CHODL: variants seen among roughly 807,000 people sequenced by gnomAD.
CHODL encodes the protein chondrolectin.
CHODL carries 29 observed loss-of-function variants against 34.5 expected under a neutral mutation model. The observed-to-expected ratio is 0.84, with a 90% confidence interval of 0.63 to 1.15. The LOEUF (loss-of-function observed/expected upper bound fraction) is 1.15, where lower values mean the gene tolerates loss of function less well. CHODL is among the 50% of genes most tolerant of loss of function. CHODL has a pLI of 0.00. For synonymous variants in CHODL, 125 were observed against 116.1 expected, an observed-to-expected ratio of 1.08 and a Z score of -0.49; for missense variants, 332 against 332.5, an observed-to-expected ratio of 1.00 and a Z score of 0.01.
chr21:18,051,793 G>A (rs1255100636), intron 2 of CHODL, among the ~76,000 whole-genome samples: 1 of 151,998 alleles, frequency 6.6e-6, no homozygotes, highest in Admixed American at 6.6e-5. Flanking sequence ...ATGATAAAAA[G>A]TTTGCTGTTG....
At chr21:18,201,879 A>G (rs899879513) in intron 2 of CHODL, among the ~76,000 whole-genome samples, 2 of 138,332 alleles carry the variant, frequency 1.4e-5, no homozygotes, top group African/African-American at 5.6e-5. Flanking sequence ...ATCTCGGCTC[A>G]CTGGAAGCTC....
chr21:18,097,251 G>A (rs1019155973), intron 2 of CHODL, among the ~76,000 whole-genome samples: 1 of 152,050 alleles, frequency 6.6e-6, no homozygotes, highest in Admixed American at 6.6e-5. Flanking sequence ...GGAATACAGG[G>A]CACTCAAATT....
intron 1 of CHODL, among the ~76,000 whole-genome samples, chr21:18,250,958 AAT>A (rs1238437661): frequency 3.3e-5 from 5 of 151,600 alleles, no homozygotes; most frequent in African/African-American, 2.4e-5. Context: ...ATATTCATCT[AAT>A]ATTAATAATA....
chr21:18,075,459 G>A (rs158030), intron 2 of CHODL, among the ~76,000 whole-genome samples: 1 of 151,894 alleles, frequency 6.6e-6, no homozygotes, highest in Non-Finnish European at 1.5e-5. Context: ...TATAAAGTCA[G>A]ACACTCTTGG....
At chr21:18,151,082 CAAAAAAAAAAAAA>C (rs61176066) in intron 2 of CHODL, among the ~76,000 whole-genome samples, 2 of 123,014 alleles carry the variant, frequency 1.6e-5, no homozygotes, top group South Asian at 2.6e-4. Flanking sequence ...GACTCTGTGT[CAAAAAAAAAAAAA>C]AAAAAAAAAA....
At chr21:18,231,174 G>A (rs952513472) in intron 2 of CHODL, among the ~76,000 whole-genome samples, 2 of 152,210 alleles carry the variant, frequency 1.3e-5, no homozygotes, top group Non-Finnish European at 2.9e-5. Flanking sequence ...GAAAGAACTA[G>A]TCAATGTTAT....
At chr21:17,963,882 C>A (rs1424339659) in intron 1 of CHODL, among the ~76,000 whole-genome samples, 1 of 151,958 alleles carries the variant, frequency 6.6e-6, no homozygotes, top group African/African-American at 2.4e-5. Flanking sequence ...CAGAAAAGCA[C>A]AAGAAAAACA....
At chr21:18,055,620 A>G (rs569931993) in intron 2 of CHODL, among the ~76,000 whole-genome samples, 1 of 152,054 alleles carries the variant, frequency 6.6e-6, no homozygotes, top group African/African-American at 2.4e-5. Flanking sequence ...CATATCCGGC[A>G]GGGCTAAAGT....
intron 5 of CHODL, among the ~76,000 whole-genome samples, chr21:18,265,219 GTA>G (rs369683491): frequency 0.014 from 2,009 of 145,596 alleles, 50 homozygotes; most frequent in African/African-American, 0.048. Context: ...ATATGTATGT[GTA>G]TATATATATG....
chr21:17,977,494 T>A (rs2063673295), intron 1 of CHODL, among the ~76,000 whole-genome samples: 2 of 150,416 alleles, frequency 1.3e-5, no homozygotes, highest in South Asian at 4.2e-4. Context: ...GCCTCCCAAG[T>A]AGCTGGGAAT....
intron 2 of CHODL, among the ~76,000 whole-genome samples, chr21:18,053,741 G>A (rs2064544551): frequency 6.6e-6 from 1 of 151,946 alleles, no homozygotes; most frequent in South Asian, 2.1e-4. Flanking sequence ...AATTGTACAG[G>A]AGGCAATAGA....
intron 2 of CHODL, among the ~76,000 whole-genome samples, chr21:18,078,323 C>T (rs141440607): frequency 2.4e-4 from 36 of 152,158 alleles, no homozygotes; most frequent in Admixed American, 5.2e-4. Flanking sequence ...GGGGAACTCC[C>T]CTTTATAAAA....
intron 2 of CHODL, among the ~76,000 whole-genome samples, chr21:18,137,198 C>T (rs959282495): frequency 3.9e-5 from 6 of 152,208 alleles, no homozygotes; most frequent in Admixed American, 6.5e-5. Flanking sequence ...GTCCAGATAC[C>T]TCCCATTCTG....
chr21:17,938,480 TTTTTTTTTTTTTTAAG>T (rs1228943789), intron 1 of CHODL, among the ~76,000 whole-genome samples: 325 of 1,924 alleles, frequency 0.17, 20 homozygotes, highest in African/African-American at 0.32. Flanking sequence ...TTTTTTTTTT[TTTTTTTTTTTTTTAAG>T]GAAAGGGAGT....
intron 2 of CHODL, among the ~76,000 whole-genome samples, chr21:18,220,645 C>G (rs1216624192): frequency 6.6e-6 from 1 of 151,146 alleles, no homozygotes; most frequent in African/African-American, 2.4e-5. Flanking sequence ...CTTTATTTCT[C>G]TTTCATTTTT....
intron 1 of CHODL, among the ~76,000 whole-genome samples, chr21:17,959,990 A>C (rs1437630175): frequency 1.3e-5 from 2 of 152,176 alleles, no homozygotes; most frequent in Non-Finnish European, 2.9e-5. Flanking sequence ...ATTGGTGAAC[A>C]GTGCGGGGGT....
Position 17,979,153 on chromosome 21 carries a change from G to A in CHODL, c.-144-48719G>A, listed in dbSNP as rs553724480. On this transcript the variant is annotated intron_variant, in intron 1 of 6. Coordinates refer to the CHODL transcript ENST00000400127. Reference sequence around the variant, plus strand: ...ACATCTGCAAAGTCCCTTTTGCCACGTAATGTAGCATATTCTTAAATTTCA... The same window carrying A: ...ACATCTGCAAAGTCCCTTTTGCCACATAATGTAGCATATTCTTAAATTTCA... 9.2e-5 allele frequency among the ~76,000 whole-genome samples: 14 copies of A among 152,210 alleles called. No individual in the cohort carries two copies. In the East Asian group the frequency reaches 1.2e-3, roughly 13 times the overall value.
At chr21:18,252,363 G>A (rs1398004706) in intron 1 of CHODL, among the ~76,000 whole-genome samples, 1 of 152,168 alleles carries the variant, frequency 6.6e-6, no homozygotes, top group East Asian at 1.9e-4. Context: ...TGAGACGAGA[G>A]GTAATTGTAA....
intron 1 of CHODL, among the ~76,000 whole-genome samples, chr21:17,923,602 C>T (rs997991824): frequency 6.6e-6 from 1 of 151,806 alleles, no homozygotes; most frequent in Admixed American, 6.6e-5. Flanking sequence ...GCTGGGACTA[C>T]AGGTGCCCGC....
Sources: gnomAD v4.1 joint callset for allele counts (sites outside exome capture counted in the v4.1 genomes callset) on GRCh38, gnomAD v4.1.1 for gene constraint, MANE v1.5 for transcripts, NCBI Gene and HGNC (gene_info 2026-07-23, HGNC 2026-07-21) for gene names.